LRRC8A: variants seen among roughly 807,000 people sequenced by gnomAD.
LRRC8A encodes volume-regulated anion channel subunit LRRC8A.
A neutral mutation model predicts 52.5 loss-of-function variants in LRRC8A; 24 were observed. That is an observed-to-expected ratio of 0.46 (90% CI 0.33 to 0.64). The LOEUF (loss-of-function observed/expected upper bound fraction) is 0.64, where lower values mean the gene tolerates loss of function less well. Among genes scored for constraint, LRRC8A ranks in the 30% least tolerant of loss-of-function variants. LRRC8A has a pLI of 0.02. For synonymous variants in LRRC8A, 492 were observed against 494.2 expected (o/e 1.00, Z 0.06); for missense variants, 677 against 1,094.7 (o/e 0.62, Z 5.38).
intron 1 of LRRC8A, chr9:128,882,910 G>A (rs1839155706): frequency 2.5e-6 from 1 of 397,844 alleles, no homozygotes; most frequent in Non-Finnish European, 4.4e-6. Flanking sequence ...GCAGCCCTAG[G>A]TGAGCTGGAT....
At chr9:128,884,366 C>T (rs1049421825) in intron 1 of LRRC8A, among the ~76,000 whole-genome samples, 3 of 152,172 alleles carry the variant, frequency 2.0e-5, no homozygotes, top group African/African-American at 7.2e-5. Context: ...GCTCTTAGAG[C>T]CCAGCACAGT....
intron 2 of LRRC8A, among the ~76,000 whole-genome samples, chr9:128,893,269 T>C (rs1300067128): frequency 1.3e-5 from 2 of 152,102 alleles, no homozygotes; most frequent in African/African-American, 4.8e-5. Context: ...GACATGGTGC[T>C]TGAGGCTCCG....
chr9:128,907,584 CA>C lies in LRRC8A; in HGVS notation c.422del (p.Asn141ThrfsTer21). On this transcript the variant is annotated frameshift_variant, in exon 3 of 4. Coordinates refer to ENST00000372600, the MANE Select transcript of LRRC8A (RefSeq NM_019594.4). LOFTEE classifies it high-confidence loss of function. The surrounding 1 kb of genome is among the most constrained non-coding windows in gnomAD (Gnocchi z 9.3). Reference sequence around the variant, plus strand: ...ACACGCTCATCTTCCTGGCCTGCAGCAACTTCTGGTTCAAATTCCCGCGCAC... The same window carrying C: ...ACACGCTCATCTTCCTGGCCTGCAGCACTTCTGGTTCAAATTCCCGCGCAC... ...LHTLIFLACS[N>X]FWFKFPRTSS... 1 of 1,614,170 alleles carries C rather than the reference CA, an allele frequency of 6.2e-7. No homozygotes were observed. Among genetic ancestry groups the C allele is most frequent in the Non-Finnish European group, 8.5e-7 (1 of 1,180,048 alleles).
intron 2 of LRRC8A, among the ~76,000 whole-genome samples, chr9:128,906,480 G>A (rs919315506): frequency 1.3e-5 from 2 of 151,962 alleles, no homozygotes; most frequent in Admixed American, 6.6e-5. Context: ...CCGCCACTAC[G>A]CCAGGCTAAT....
chr9:128,899,149 C>G lies in LRRC8A; in HGVS notation c.-8-8008C>G, dbSNP rs558318829. Among the ~76,000 whole-genome samples, 3 of 152,316 alleles carry G rather than the reference C, an allele frequency of 2.0e-5. No homozygotes were observed. The highest frequency in any genetic ancestry group is 3.9e-4 in the East Asian group (2 of 5,178). ...TGGCCCATTTTTTACACAACATGGA[C>G]ACATGTTTAACAGGTTTGCTGCTCC... On this transcript the variant is annotated intron_variant, in intron 2 of 3. Coordinates refer to ENST00000372600, the MANE Select transcript of LRRC8A (RefSeq NM_019594.4). The surrounding 1 kb of genome is among the most constrained non-coding windows in gnomAD (Gnocchi z 4.0).
Position 128,892,352 on chromosome 9 carries a change from T to C in LRRC8A, c.-9+6231T>C, listed in dbSNP as rs973871822. Among the ~76,000 whole-genome samples, 9 of 152,140 alleles carry C rather than the reference T, an allele frequency of 5.9e-5. No individual in the cohort carries two copies. Among genetic ancestry groups the C allele is most frequent in the Admixed American group, 5.9e-4 (9 of 15,270 alleles). On this transcript the variant is annotated intron_variant, in intron 2 of 3. Transcript: ENST00000372600. The surrounding 1 kb of genome is among the most constrained non-coding windows in gnomAD (Gnocchi z 5.2). ...CCGGAGCTGCTGGGGGAAGCCCAGGTGGGTGTCCCTCACCTGTTGCCTTTC... is the reference window on the plus strand; with the variant it reads ...CCGGAGCTGCTGGGGGAAGCCCAGGCGGGTGTCCCTCACCTGTTGCCTTTC...
chr9:128,894,898 A>T (rs546398103), intron 2 of LRRC8A, among the ~76,000 whole-genome samples: 1 of 152,130 alleles, frequency 6.6e-6, no homozygotes, highest in Non-Finnish European at 1.5e-5. Flanking sequence ...GTACACTTCA[A>T]TGGTATTAAG....
At chr9:128,915,751 C>T (rs781412104) in intron 3 of LRRC8A, among the ~76,000 whole-genome samples, 1 of 152,206 alleles carries the variant, frequency 6.6e-6, no homozygotes, top group East Asian at 1.9e-4. Context: ...ATGCGATATA[C>T]TTCCCAGGGC....
intron 2 of LRRC8A, among the ~76,000 whole-genome samples, chr9:128,891,795 G>C (rs1360843552): frequency 1.3e-5 from 2 of 152,146 alleles, no homozygotes; most frequent in African/African-American, 4.8e-5. Context: ...TCAAGGGCCT[G>C]GGTCCCAGGT....
intron 1 of LRRC8A, among the ~76,000 whole-genome samples, chr9:128,884,669 C>T (rs1275017274): frequency 6.6e-6 from 1 of 152,120 alleles, no homozygotes; most frequent in Non-Finnish European, 1.5e-5. Context: ...TAATTAGTGA[C>T]AGGGAGTCCA....
rs1019714666 is a variant in LRRC8A at position 128,916,426 on chromosome 9, G to A, written c.*55G>A. 2.7e-5 allele frequency: 42 copies of A among 1,549,772 alleles called. No homozygotes were observed. Among genetic ancestry groups the A allele is most frequent in the African/African-American group, 8.1e-5 (6 of 73,952 alleles). ...GGACCGCTGCCCAGTCCTCAGGCCC[G>A]GAGGGGCAGGCCTAGCTTCTCCCAG... is the stretch of plus-strand genomic sequence containing the variant. On this transcript the variant is annotated 3_prime_UTR_variant, in exon 4 of 4. Transcript: ENST00000372600. This position sits in a 1 kb window ranked among gnomAD's most constrained non-coding sequence, Gnocchi z 6.1.
At chr9:128,897,434 A>G (rs1839858954) in intron 2 of LRRC8A, among the ~76,000 whole-genome samples, 1 of 151,990 alleles carries the variant, frequency 6.6e-6, no homozygotes, top group African/African-American at 2.4e-5. Flanking sequence ...GCTGGTCTCA[A>G]ACTCCTGAGG....
intron 2 of LRRC8A, among the ~76,000 whole-genome samples, chr9:128,898,093 A>G (rs1024942670): frequency 1.4e-5 from 2 of 141,012 alleles, no homozygotes; most frequent in African/African-American, 5.3e-5. Context: ...TGTGTAATTT[A>G]TGGCAGAGGG....
chr9:128,910,601 G>T (rs1360438934), intron 3 of LRRC8A, among the ~76,000 whole-genome samples: 1 of 152,168 alleles, frequency 6.6e-6, no homozygotes, highest in South Asian at 2.1e-4. Flanking sequence ...GCTGAGGCAG[G>T]ATCGCTTCAG....
chr9:128,895,355 GATAAA>G (rs1426579837), intron 2 of LRRC8A, among the ~76,000 whole-genome samples: 6 of 152,166 alleles, frequency 3.9e-5, no homozygotes, highest in African/African-American at 9.7e-5. Context: ...CTGTCTCCAA[GATAAA>G]ATAAAATAAG....
chr9:128,891,386 A>G (rs1372422358), intron 2 of LRRC8A, among the ~76,000 whole-genome samples: 2 of 152,000 alleles, frequency 1.3e-5, no homozygotes, highest in African/African-American at 2.4e-5. Context: ...CAACATAACA[A>G]CCTATCTCTA....
Position 128,891,344 on chromosome 9 carries a change from G to T in LRRC8A, c.-9+5223G>T, listed in dbSNP as rs533591934. Among the ~76,000 whole-genome samples the T allele has an allele frequency of 2.0e-5, 3 of 151,770 alleles. No homozygotes were observed. The South Asian group carries it at 6.3e-4, about 32-fold the overall frequency. ...ACTTAGAGGTTGAGACTGGAGGACT[G>T]CTTGAACCCAGGAGTTCCAGACCAG... On this transcript the variant is annotated intron_variant, in intron 2 of 3. Coordinates refer to ENST00000372600, the MANE Select transcript of LRRC8A (RefSeq NM_019594.4).
chr9:128,883,845 G>A (rs1230712995), intron 1 of LRRC8A, among the ~76,000 whole-genome samples: 3 of 152,240 alleles, frequency 2.0e-5, no homozygotes, highest in East Asian at 1.9e-4. Flanking sequence ...ATGGGGCTGC[G>A]CACCCGTAAT....
chr9:128,901,323 C>T (rs766832579), intron 2 of LRRC8A, among the ~76,000 whole-genome samples: 29 of 151,684 alleles, frequency 1.9e-4, no homozygotes, highest in African/African-American at 5.3e-4. Flanking sequence ...ATTAGCCGGC[C>T]GTGGTGGTGG....
Sources: gnomAD v4.1 joint callset for allele counts (sites outside exome capture counted in the v4.1 genomes callset) on GRCh38, gnomAD v4.1.1 for gene constraint, Gnocchi (gnomAD v3.1) non-coding constraint, MANE v1.5 for transcripts, NCBI Gene and HGNC (gene_info 2026-07-23, HGNC 2026-07-21) for gene names.